ARHGAP28: variants seen among roughly 807,000 people sequenced by gnomAD.
The protein encoded by ARHGAP28 is rho GTPase-activating protein 28.
ARHGAP28 carries 56 observed loss-of-function variants against 90.7 expected under a neutral mutation model. That is an observed-to-expected ratio of 0.62 (90% CI 0.50 to 0.77). The LOEUF (loss-of-function observed/expected upper bound fraction) is 0.77, where lower values mean the gene tolerates loss of function less well. Ranked by LOEUF, ARHGAP28 falls within the 30% of genes least tolerant of loss-of-function variation. ARHGAP28 has a pLI of 0.00. For synonymous variants in ARHGAP28, 308 were observed against 323.3 expected, an observed-to-expected ratio of 0.95 and a Z score of 0.51; for missense variants, 869 against 900.9, an observed-to-expected ratio of 0.96 and a Z score of 0.45.
chr18:6,846,847 G>A (rs1409946718), intron 3 of ARHGAP28, among the ~76,000 whole-genome samples: 2 of 152,180 alleles, frequency 1.3e-5, no homozygotes, highest in Admixed American at 6.5e-5. Flanking sequence ...TGGATTATGA[G>A]AGTGGCTGAA....
chr18:6,908,919 G>T (rs1567990752), intron 16 of ARHGAP28, 41 bp from the exon 17 acceptor site: 1 of 1,271,740 alleles, frequency 7.9e-7, no homozygotes, highest in African/African-American at 1.5e-5. Context: ...CTCAGATCAG[G>T]AAAAAGTACT....
chr18:6,910,342 A>G (rs1346040190), intron 17 of ARHGAP28, among the ~76,000 whole-genome samples: 1 of 152,126 alleles, frequency 6.6e-6, no homozygotes, highest in Non-Finnish European at 1.5e-5. Flanking sequence ...ACTCTCCTGT[A>G]TTTGCACTTG....
At chr18:6,841,381 T>C (rs938994343) in intron 3 of ARHGAP28, among the ~76,000 whole-genome samples, 5 of 151,718 alleles carry the variant, frequency 3.3e-5, no homozygotes, top group Non-Finnish European at 7.4e-5. Context: ...TTATAATCAG[T>C]TTCATAAGGA....
Position 6,915,156 on chromosome 18 carries a change from CTG to C in ARHGAP28, c.*3003_*3004del, listed in dbSNP as rs2057416369. 6.6e-6 allele frequency: 1 copy of C among 152,172 alleles called. No individual in the cohort carries two copies. Among genetic ancestry groups the C allele is most frequent in the Non-Finnish European group, 1.5e-5 (1 of 68,036 alleles). 9.4% of individuals were successfully genotyped at this position (152,172 alleles called of 1,614,324 possible). A position where few individuals can be genotyped will look rare whatever the true frequency, so the allele number is the denominator to read the frequency against. On this transcript the variant is annotated 3_prime_UTR_variant, in exon 18 of 18. Coordinates refer to ENST00000383472, the MANE Select transcript of ARHGAP28 (RefSeq NM_001366230.1). ...GTAACTGTGATCTATGTGGTATACT[CTG>C]AGAGAATTCTGTGTCCTGCTCATTG... is the stretch of plus-strand genomic sequence containing the variant.
intron 1 of ARHGAP28, among the ~76,000 whole-genome samples, chr18:6,820,711 C>T (rs1280774106): frequency 6.6e-6 from 1 of 152,150 alleles, no homozygotes; most frequent in Admixed American, 6.6e-5. Flanking sequence ...TCAATAGACT[C>T]AACAAGACAA....
chr18:6,891,913 G>A (rs2057268776), intron 14 of ARHGAP28, among the ~76,000 whole-genome samples: 1 of 151,936 alleles, frequency 6.6e-6, no homozygotes, highest in African/African-American at 2.4e-5. Flanking sequence ...CTTGAAGGAT[G>A]GATACCACTG....
chr18:6,729,857 C>G lies in ARHGAP28; in HGVS notation c.36C>G (p.Thr12=). ...EVEDSGGVVL[T]AYHSYARAQP... ...AGGACTCGGGCGGCGTGGTGCTGAC[C>G]GCCTACCACTCGTACGCGCGCGCCC... is the stretch of plus-strand genomic sequence containing the variant. The change falls in exon 1 of 18, where the codon ACC becomes ACG. Residue 12 remains threonine (T), a synonymous_variant. Transcript: ENST00000383472. 1 of 1,434,590 alleles carries G rather than the reference C, an allele frequency of 7.0e-7. No individual in the cohort carries two copies. Among genetic ancestry groups the G allele is most frequent in the African/African-American group, 1.5e-5 (1 of 67,458 alleles). The allele number at this position is 1,434,590 out of a possible 1,614,324, so 88.9% of individuals were successfully genotyped here.
chr18:6,816,560 A>G (rs2056591970), intron 1 of ARHGAP28, among the ~76,000 whole-genome samples: 1 of 152,184 alleles, frequency 6.6e-6, no homozygotes, highest in Non-Finnish European at 1.5e-5. Flanking sequence ...GTGACAAATA[A>G]TGGAGAACTC....
At chr18:6,730,767 G>A (rs1378453845) in intron 1 of ARHGAP28, among the ~76,000 whole-genome samples, 1 of 152,196 alleles carries the variant, frequency 6.6e-6, no homozygotes, top group Non-Finnish European at 1.5e-5. Context: ...TTTGGGGGAA[G>A]TTTTATTTGT....
At chr18:6,783,683 G>A (rs775434883) in intron 1 of ARHGAP28, among the ~76,000 whole-genome samples, 2 of 152,152 alleles carry the variant, frequency 1.3e-5, no homozygotes, top group African/African-American at 4.8e-5. Context: ...ACTTTGAGAC[G>A]CTCTGCGGGG....
At chr18:6,896,480 C>G in intron 15 of ARHGAP28, 22 bp from the exon 16 acceptor site, 1 of 1,613,192 alleles carries the variant, frequency 6.2e-7, no homozygotes, top group Non-Finnish European at 8.5e-7. Flanking sequence ...ACAGACTGTA[C>G]TGAATTTCTC....
chr18:6,911,928 T>C (rs2057401500), intron 17 of ARHGAP28, 132 bp from the exon 18 acceptor site: 1 of 449,394 alleles, frequency 2.2e-6, no homozygotes, highest in Admixed American at 4.1e-5. Context: ...CCTTAACATA[T>C]GTCTACTTAC....
intron 1 of ARHGAP28, among the ~76,000 whole-genome samples, chr18:6,812,075 A>G (rs931816196): frequency 1.3e-5 from 2 of 152,144 alleles, no homozygotes; most frequent in Admixed American, 6.5e-5. Flanking sequence ...TAGCCAAACC[A>G]TATTTTCCCA....
intron 10 of ARHGAP28, among the ~76,000 whole-genome samples, chr18:6,877,007 C>A (rs893742910): frequency 6.6e-6 from 1 of 152,138 alleles, no homozygotes; most frequent in Non-Finnish European, 1.5e-5. Context: ...GATGTGAAAA[C>A]CTGAGCAGTT....
chr18:6,810,382 G>A (rs1005642321), intron 1 of ARHGAP28, among the ~76,000 whole-genome samples: 2 of 152,162 alleles, frequency 1.3e-5, no homozygotes, highest in African/African-American at 4.8e-5. Context: ...TCAGTCTGTA[G>A]GATGTATGGT....
intron 1 of ARHGAP28, among the ~76,000 whole-genome samples, chr18:6,795,116 T>C (rs1408117555): frequency 6.6e-6 from 1 of 152,230 alleles, no homozygotes; most frequent in Non-Finnish European, 1.5e-5. Context: ...TTCCTGGGTA[T>C]TCATTTTATT....
At chr18:6,782,995 C>T (rs2056337575) in intron 1 of ARHGAP28, among the ~76,000 whole-genome samples, 1 of 152,090 alleles carries the variant, frequency 6.6e-6, no homozygotes, top group Non-Finnish European at 1.5e-5. Flanking sequence ...GCTCCTGAGA[C>T]CAAAGTGAAA....
rs1286669657 is a variant in ARHGAP28 at position 6,870,889 on chromosome 18, C to T, written c.954+157C>T. Among the ~76,000 whole-genome samples the T allele has an allele frequency of 4.6e-5, 7 of 152,086 alleles. No homozygotes were observed. The South Asian group carries it at 6.2e-4, about 14-fold the overall frequency. ...GATCTCGGCTCACTGCAAGCTCTGC[C>T]TCCCGGGTTCACGCCATTCTCCTGC... On this transcript the variant is annotated intron_variant, in intron 7 of 17. Transcript: ENST00000383472.
At chr18:6,741,660 G>A (rs971572802) in intron 1 of ARHGAP28, among the ~76,000 whole-genome samples, 1 of 152,174 alleles carries the variant, frequency 6.6e-6, no homozygotes, top group Non-Finnish European at 1.5e-5. Flanking sequence ...ATTCTCTTTA[G>A]AGTTCAAGGA....
Sources: allele counts gnomAD v4.1 joint callset (sites outside exome capture counted in the v4.1 genomes callset), GRCh38; gene constraint gnomAD v4.1.1; transcripts MANE v1.5; gene names NCBI Gene and HGNC (gene_info 2026-07-23, HGNC 2026-07-21).